TUNAR: variants seen among roughly 807,000 people sequenced by gnomAD.
TUNAR encodes transmembrane neural differentiation associated intracellular calcium regulator.
chr14:95,910,876 G>A (rs556566787), intron 2 of TUNAR, among the ~76,000 whole-genome samples: 1 of 152,378 alleles, frequency 6.6e-6, no homozygotes, highest in South Asian at 2.1e-4. Flanking sequence ...GAAGGCAGCT[G>A]TGGAATGTTG....
chr14:95,918,266 C>T (rs999464377), intron 2 of TUNAR, among the ~76,000 whole-genome samples: 2 of 152,122 alleles, frequency 1.3e-5, no homozygotes, highest in African/African-American at 4.8e-5. Flanking sequence ...GCAAACATTC[C>T]CGTTACACTC....
intron 2 of TUNAR, among the ~76,000 whole-genome samples, chr14:95,898,025 A>G (rs1889292200): frequency 1.3e-5 from 2 of 152,086 alleles, no homozygotes; most frequent in Non-Finnish European, 2.9e-5. Context: ...CATCCTCTCC[A>G]GGGCTGCTGC....
At chr14:95,913,259 C>G (rs1889547471) in intron 2 of TUNAR, among the ~76,000 whole-genome samples, 1 of 151,516 alleles carries the variant, frequency 6.6e-6, no homozygotes, top group Admixed American at 6.6e-5. Flanking sequence ...AACCCATCAT[C>G]ATCTAGGTTT....
intron 2 of TUNAR, among the ~76,000 whole-genome samples, chr14:95,918,861 A>G (rs1456568144): frequency 6.6e-6 from 1 of 152,134 alleles, no homozygotes; most frequent in Non-Finnish European, 1.5e-5. Context: ...CTGGCCATCT[A>G]TTCCCTGGCC....
exon 3 of TUNAR, chr14:95,925,258 A>G (rs564336979): frequency 1.3e-5 from 2 of 152,356 alleles, no homozygotes; most frequent in South Asian, 4.1e-4. Context: ...CAAGATCCAA[A>G]CCCAATGTGT....
intron 2 of TUNAR, among the ~76,000 whole-genome samples, chr14:95,887,172 A>G (rs1889091555): frequency 1.3e-5 from 2 of 152,214 alleles, no homozygotes; most frequent in Admixed American, 1.3e-4. Flanking sequence ...CACCTAGTGC[A>G]CACTTACGTA....
At chr14:95,917,933 G>C (rs1889632444) in intron 2 of TUNAR, among the ~76,000 whole-genome samples, 1 of 152,110 alleles carries the variant, frequency 6.6e-6, no homozygotes. Context: ...ACTCCAAAAA[G>C]AAATGCCTTT....
At chr14:95,878,877 G>T (rs1227041489) in intron 2 of TUNAR, among the ~76,000 whole-genome samples, 5 of 152,198 alleles carry the variant, frequency 3.3e-5, no homozygotes, top group Admixed American at 6.5e-5. Flanking sequence ...TGCCCAGCAG[G>T]CTAGAAAGCA....
chr14:95,902,943 A>G (rs1416274601), intron 2 of TUNAR, among the ~76,000 whole-genome samples: 2 of 152,200 alleles, frequency 1.3e-5, no homozygotes, highest in Non-Finnish European at 2.9e-5. Context: ...CTCAGTAAAT[A>G]TCTGGTATTT....
At chr14:95,914,486 C>G (rs1411851004) in intron 2 of TUNAR, among the ~76,000 whole-genome samples, 1 of 152,126 alleles carries the variant, frequency 6.6e-6, no homozygotes, top group African/African-American at 2.4e-5. Flanking sequence ...ACAAACCTGC[C>G]CAGTTTGGGC....
chr14:95,909,396 G>A (rs549069183), intron 2 of TUNAR, among the ~76,000 whole-genome samples: 1 of 148,138 alleles, frequency 6.8e-6, no homozygotes, highest in East Asian at 2.0e-4. Context: ...CGATTTTCCT[G>A]CCTCAGCCTC....
intron 2 of TUNAR, among the ~76,000 whole-genome samples, chr14:95,877,976 CA>C (rs1240713669): frequency 1.3e-5 from 2 of 152,232 alleles, no homozygotes; most frequent in Non-Finnish European, 2.9e-5. Flanking sequence ...CCTGTGTGCC[CA>C]GCACATGCTA....
At chr14:95,893,871 A>C (rs965819119) in intron 2 of TUNAR, among the ~76,000 whole-genome samples, 1 of 152,242 alleles carries the variant, frequency 6.6e-6, no homozygotes, top group Non-Finnish European at 1.5e-5. Flanking sequence ...TTGTGGCTGC[A>C]CTATGTGGGC....
chr14:95,893,354 G>C (rs1273496906), intron 2 of TUNAR, among the ~76,000 whole-genome samples: 1 of 152,198 alleles, frequency 6.6e-6, no homozygotes, highest in Non-Finnish European at 1.5e-5. Context: ...GGGCAGTGCT[G>C]TCAGCAGACC....
chr14:95,879,886 G>A (rs1888951760), intron 2 of TUNAR, among the ~76,000 whole-genome samples: 1 of 152,146 alleles, frequency 6.6e-6, no homozygotes, highest in Admixed American at 6.5e-5. Flanking sequence ...TCTAAGTCAG[G>A]GCTTGAGACC....
intron 2 of TUNAR, among the ~76,000 whole-genome samples, chr14:95,885,127 C>T (rs535640165): frequency 1.6e-4 from 24 of 152,332 alleles, no homozygotes; most frequent in Non-Finnish European, 2.6e-4. Context: ...GAAAGCCAGC[C>T]TGCCCAGCAG....
intron 2 of TUNAR, among the ~76,000 whole-genome samples, chr14:95,891,529 C>T (rs1889180377): frequency 1.3e-5 from 2 of 152,216 alleles, no homozygotes; most frequent in Admixed American, 1.3e-4. Context: ...AAGGCTCAGA[C>T]ACCCTCAGGA....
At chr14:95,898,843 C>T (rs1049510541) in intron 2 of TUNAR, among the ~76,000 whole-genome samples, 1 of 152,200 alleles carries the variant, frequency 6.6e-6, no homozygotes, top group Admixed American at 6.5e-5. Flanking sequence ...TGTTTTGACT[C>T]TGCTCTTCCT....
At chr14:95,893,059 T>A (rs1348119829) in intron 2 of TUNAR, among the ~76,000 whole-genome samples, 1 of 152,126 alleles carries the variant, frequency 6.6e-6, no homozygotes, top group Non-Finnish European at 1.5e-5. Flanking sequence ...TTAGATCTAC[T>A]GAGTCTGCAG....
Sources: allele counts gnomAD v4.1 joint callset (sites outside exome capture counted in the v4.1 genomes callset), GRCh38; gene constraint gnomAD v4.1.1; transcripts MANE v1.5; gene names NCBI Gene and HGNC (gene_info 2026-07-23, HGNC 2026-07-21).